The following EML1 variants were observed in gnomAD, a reference collection of about 807,000 sequenced individuals.
EML1 encodes the protein EMAP like 1, also known as echinoderm microtubule-associated protein-like 1.
A neutral mutation model predicts 110.4 loss-of-function variants in EML1; 27 were observed. The ratio of observed to expected loss-of-function variants is 0.24; its 90% confidence interval spans 0.18 to 0.34. EML1 has a LOEUF of 0.34. Ranked by LOEUF, EML1 falls within the 10% of genes least tolerant of loss-of-function variation. The pLI is 1.00. For missense variants in EML1, 741 were observed against 1,030.9 expected, an observed-to-expected ratio of 0.72 and a Z score of 3.85; for synonymous variants, 344 against 385.8, an observed-to-expected ratio of 0.89 and a Z score of 1.27.
chr14:99,765,882 G>A (rs1036094604), intron 1 of EML1, among the ~76,000 whole-genome samples: 5 of 152,116 alleles, frequency 3.3e-5, no homozygotes, highest in Non-Finnish European at 5.9e-5. Context: ...GGAATTACAG[G>A]CATGAGCCAC....
At chr14:99,848,400 T>TA (rs2058738065) in intron 1 of EML1, among the ~76,000 whole-genome samples, 2 of 152,096 alleles carry the variant, frequency 1.3e-5, no homozygotes, top group Non-Finnish European at 2.9e-5. Context: ...GTATGTGAGG[T>TA]AATGCATGTG....
intron 1 of EML1, among the ~76,000 whole-genome samples, chr14:99,748,148 G>C (rs978059485): frequency 6.6e-6 from 1 of 152,142 alleles, no homozygotes; most frequent in Non-Finnish European, 1.5e-5. Context: ...GGGTCTGTCA[G>C]GTGACCCTAG....
At chr14:99,744,086 G>T (rs964665501) in intron 1 of EML1, among the ~76,000 whole-genome samples, 1 of 152,012 alleles carries the variant, frequency 6.6e-6, no homozygotes, top group Non-Finnish European at 1.5e-5. Context: ...TTTGCACTTT[G>T]ATTTCAAAAT....
chr14:99,826,608 C>T (rs1595347971), intron 1 of EML1, among the ~76,000 whole-genome samples: 1 of 152,214 alleles, frequency 6.6e-6, no homozygotes, highest in East Asian at 1.9e-4. Flanking sequence ...AGAATGAGCC[C>T]CTGCCCCATT....
chr14:99,756,793 G>A (rs552228995), intron 1 of EML1, among the ~76,000 whole-genome samples: 61 of 152,180 alleles, frequency 4.0e-4, no homozygotes, highest in Admixed American at 3.8e-3. Context: ...AGTGTGTCAG[G>A]CACCCTCAGA....
intron 5 of EML1, among the ~76,000 whole-genome samples, chr14:99,893,434 G>C (rs2059621181): frequency 1.3e-5 from 2 of 152,120 alleles, no homozygotes; most frequent in South Asian, 4.1e-4. Flanking sequence ...ACATAGGCAG[G>C]GATGATCGCG....
chr14:99,928,945 G>A (rs990967051), intron 17 of EML1, among the ~76,000 whole-genome samples: 1 of 152,118 alleles, frequency 6.6e-6, no homozygotes, highest in Non-Finnish European at 1.5e-5. Flanking sequence ...CCAGTGTTCT[G>A]CATCTTATCT....
chr14:99,794,645 G>GTA (rs1362366568), intron 1 of EML1, among the ~76,000 whole-genome samples: 1 of 152,186 alleles, frequency 6.6e-6, no homozygotes, highest in South Asian at 2.1e-4. Flanking sequence ...ATGGTAGAAT[G>GTA]TATACTCTGA....
intron 1 of EML1, chr14:99,809,652 A>C (rs1394781629): frequency 2.2e-6 from 1 of 456,090 alleles, no homozygotes; most frequent in Non-Finnish European, 4.4e-6. Flanking sequence ...CGATTTCAAC[A>C]TCCAGAAAGC....
In EML1 at chr14:99,827,882, C is replaced by G. The variant is rs940041254; in HGVS notation, c.68-22971C>G. ...GACCCGCAGGCATGGGTCCCGTGAGCACCCAGCAGGGTGTCTGGGTGCAGT... is the reference window on the plus strand; with the variant it reads ...GACCCGCAGGCATGGGTCCCGTGAGGACCCAGCAGGGTGTCTGGGTGCAGT... On this transcript the variant is annotated intron_variant, in intron 1 of 21. Coordinates refer to ENST00000262233, the MANE Select transcript of EML1 (RefSeq NM_004434.3). This position sits in a 1 kb window ranked among gnomAD's most constrained non-coding sequence, Gnocchi z 4.4. Among the ~76,000 whole-genome samples the G allele has an allele frequency of 1.3e-5, 2 of 152,160 alleles. No homozygotes were observed. The highest frequency in any genetic ancestry group is 4.8e-5 in the African/African-American group (2 of 41,426).
At chr14:99,777,775 C>T (rs1309686673) in intron 1 of EML1, among the ~76,000 whole-genome samples, 1 of 152,148 alleles carries the variant, frequency 6.6e-6, no homozygotes, top group African/African-American at 2.4e-5. Context: ...CTGTCCAAGT[C>T]CAAGCATTTT....
intron 1 of EML1, among the ~76,000 whole-genome samples, chr14:99,746,960 G>A (rs1230795772): frequency 6.6e-6 from 1 of 152,110 alleles, no homozygotes; most frequent in Non-Finnish European, 1.5e-5. Context: ...TTGCTATCCT[G>A]TGCTTGCCTC....
At chr14:99,866,813 T>C (rs10150279) in intron 3 of EML1, among the ~76,000 whole-genome samples, 104,446 of 152,034 alleles carry the variant, frequency 0.69, 35,978 homozygotes, top group African/African-American at 0.73. Context: ...TAGTGCTTGT[T>C]CTTTTGTGAC....
chr14:99,817,078 C>G (rs1024177604), intron 1 of EML1, among the ~76,000 whole-genome samples: 5 of 149,096 alleles, frequency 3.4e-5, no homozygotes, highest in Admixed American at 2.1e-4. Flanking sequence ...GAGGCTGGTA[C>G]AAGTTTTCCA....
At chr14:99,774,826 C>A (rs551928894) in intron 1 of EML1, among the ~76,000 whole-genome samples, 3 of 152,282 alleles carry the variant, frequency 2.0e-5, no homozygotes, top group Admixed American at 2.0e-4. Context: ...GGCTTGCCAG[C>A]ATCCTCTTGA....
intron 1 of EML1, among the ~76,000 whole-genome samples, chr14:99,775,236 C>A (rs559841149): frequency 6.6e-6 from 1 of 152,248 alleles, no homozygotes; most frequent in South Asian, 2.1e-4. Context: ...AGGAGGGATC[C>A]GATCTCTGTT....
At chr14:99,841,445 G>A (rs1246692597) in intron 1 of EML1, among the ~76,000 whole-genome samples, 1 of 152,134 alleles carries the variant, frequency 6.6e-6, no homozygotes, top group Non-Finnish European at 1.5e-5. Context: ...ACGTCAGAAG[G>A]CAGGTGGTAT....
chr14:99,852,399 G>A (rs1395693294), intron 2 of EML1, among the ~76,000 whole-genome samples: 2 of 152,208 alleles, frequency 1.3e-5, no homozygotes, highest in Admixed American at 6.5e-5. Context: ...CAGATCACCT[G>A]AGCCCAGGAG....
intron 19 of EML1, among the ~76,000 whole-genome samples, chr14:99,937,198 C>A (rs1048995137): frequency 6.6e-6 from 1 of 152,160 alleles, no homozygotes; most frequent in Non-Finnish European, 1.5e-5. Flanking sequence ...CAGTGTGTAC[C>A]GAGACTGAGC....
Sources: gnomAD v4.1 joint callset for allele counts (sites outside exome capture counted in the v4.1 genomes callset) on GRCh38, gnomAD v4.1.1 for gene constraint, Gnocchi (gnomAD v3.1) non-coding constraint, MANE v1.5 for transcripts, NCBI Gene and HGNC (gene_info 2026-07-23, HGNC 2026-07-21) for gene names.